SAP30L: variants seen among roughly 807,000 people sequenced by gnomAD.
SAP30L encodes SAP30 like, also known as histone deacetylase complex subunit SAP30L.
A neutral mutation model predicts 22.3 loss-of-function variants in SAP30L; 10 were observed. The ratio of observed to expected loss-of-function variants is 0.45; its 90% CI spans 0.28 to 0.76. SAP30L has a LOEUF of 0.76. Among genes scored for constraint, SAP30L ranks in the 30% least tolerant of loss-of-function variants. The pLI is 0.14. For missense variants in SAP30L, 206 were observed against 237.9 expected (o/e 0.87, Z 0.88); for synonymous variants, 91 against 94.1 (o/e 0.97, Z 0.19).
rs1424334637 is a variant in SAP30L at position 154,459,800 on chromosome 5, T to A, written c.*3772T>A. 6.6e-6 allele frequency: 1 copy of A among 152,218 alleles called. No individual in the cohort carries two copies. The highest frequency in any genetic ancestry group is 1.5e-5 in the Non-Finnish European group (1 of 68,052). The allele number at this position is 152,218 out of a possible 1,614,324, so 9.4% of individuals were successfully genotyped here. On this transcript the variant is annotated 3_prime_UTR_variant, in exon 4 of 4. Transcript: ENST00000297109. ...CGTTGCTTTGCATGAAGTTTAAAGT[T>A]TTCATGGTTGCCCAGGGCTTGTACC...
At chr5:154,452,541 C>G (rs929717734) in intron 2 of SAP30L, 5 of 913,004 alleles carry the variant, frequency 5.5e-6, no homozygotes, top group South Asian at 1.0e-4. Context: ...TTTTTCATGA[C>G]TATGCAGCTT....
chr5:154,458,315 T>G lies in SAP30L; in HGVS notation c.*2287T>G, dbSNP rs1396362921. 1.3e-5 allele frequency: 2 copies of G among 152,240 alleles called. No individual in the cohort carries two copies. Among genetic ancestry groups the G allele is most frequent in the African/African-American group, 4.8e-5 (2 of 41,464 alleles). 9.4% of individuals were successfully genotyped at this position (152,240 alleles called of 1,614,324 possible). On this transcript the variant is annotated 3_prime_UTR_variant, in exon 4 of 4. Transcript: ENST00000297109. ...TCAGGTGAGAGAAAAGACAAAGCTA[T>G]TTGAACCTATGTTTTTCTTATGTCC...
chr5:154,446,493 G>T lies in SAP30L; in HGVS notation c.-112G>T. 1 of 895,386 alleles carries T rather than the reference G, an allele frequency of 1.1e-6. No individual in the cohort carries two copies. Among genetic ancestry groups the T allele is most frequent in the Non-Finnish European group, 1.5e-6 (1 of 646,532 alleles). 55.5% of individuals were successfully genotyped at this position (895,386 alleles called of 1,614,324 possible). On this transcript the variant is annotated 5_prime_UTR_variant, in exon 1 of 4. Transcript: ENST00000297109. ...CAGGGCAGCGCCCGGGCTGGAGACGGACTCTGGGACCCTCGGCTGCGGGGG... is the reference window on the plus strand; with the variant it reads ...CAGGGCAGCGCCCGGGCTGGAGACGTACTCTGGGACCCTCGGCTGCGGGGG...
At chr5:154,452,503 A>G (rs1757165290) in intron 2 of SAP30L, 28 of 984,922 alleles carry the variant, frequency 2.8e-5, no homozygotes, top group Admixed American at 2.5e-4. Flanking sequence ...GAGGCAGGTA[A>G]AGGCAGCCCA....
chr5:154,446,409 G>A lies in SAP30L; in HGVS notation c.-196G>A, dbSNP rs1757004823. The A allele has an allele frequency of 4.6e-6, 2 of 431,706 alleles. No individual in the cohort carries two copies. The highest frequency in any genetic ancestry group is 7.4e-5 in the East Asian group (2 of 27,046). The allele number at this position is 431,706 out of a possible 1,614,324, so 26.7% of individuals were successfully genotyped here. On this transcript the variant is annotated 5_prime_UTR_variant, in exon 1 of 4. Transcript: ENST00000297109. ...CCCCGGGGCCTCGAGCCGGGAGGAA[G>A]GGGGCTTCCGGAGGCGGAGGGCCGG... is the stretch of plus-strand genomic sequence containing the variant.
At chr5:154,454,252 A>G (rs2113279154) in intron 3 of SAP30L, among the ~76,000 whole-genome samples, 1 of 152,282 alleles carries the variant, frequency 6.6e-6, no homozygotes, top group African/African-American at 2.4e-5. Flanking sequence ...ATTTTAATGA[A>G]TGGCACCCAA....
chr5:154,452,403 A>G (rs1361518768), intron 2 of SAP30L: 5 of 854,164 alleles, frequency 5.9e-6, no homozygotes, highest in Non-Finnish European at 4.2e-6. Context: ...AATGTTTTGA[A>G]AAAGAATGAA....
rs558145437 is a variant in SAP30L, at chr5:154,457,832, C to G, written c.*1804C>G. 6.6e-6 allele frequency: 1 copy of G among 152,294 alleles called. No homozygotes were observed. Among genetic ancestry groups the G allele is most frequent in the Admixed American group, 6.5e-5 (1 of 15,286 alleles). 9.4% of individuals were successfully genotyped at this position (152,294 alleles called of 1,614,324 possible). A position where few individuals can be genotyped will look rare whatever the true frequency, so the allele number is the denominator to read the frequency against. On this transcript the variant is annotated 3_prime_UTR_variant, in exon 4 of 4. Transcript: ENST00000297109. The stretch of plus-strand genomic sequence containing the variant: ...GTGAGTGTTTTCAGTCATTCACATT[C>G]ACTATGTGTTTAGAGATTCTCTCCC...
chr5:154,447,772 C>T lies in SAP30L; in HGVS notation c.201+967C>T, dbSNP rs987969168. Among the ~76,000 whole-genome samples, 4 of 152,068 alleles carry T rather than the reference C, an allele frequency of 2.6e-5. No individual in the cohort carries two copies. In the East Asian group the frequency reaches 7.7e-4, roughly 29 times the overall value. On this transcript the variant is annotated intron_variant, in intron 1 of 3. Transcript: ENST00000297109. The stretch of plus-strand genomic sequence containing the variant: ...TTAAACTGAAAGGGAGTGCACGTTT[C>T]CCCTCTGATTTTAGGGTTGAAACAG...
In SAP30L at chr5:154,457,298, A is replaced by G. The variant is rs929173018; in HGVS notation, c.*1270A>G. 6.6e-6 allele frequency: 1 copy of G among 152,232 alleles called. No homozygotes were observed. Among genetic ancestry groups the G allele is most frequent in the Admixed American group, 6.5e-5 (1 of 15,286 alleles). The allele number at this position is 152,232 out of a possible 1,614,324, so 9.4% of individuals were successfully genotyped here. On this transcript the variant is annotated 3_prime_UTR_variant, in exon 4 of 4. Transcript: ENST00000297109. Reference sequence around the variant, plus strand: ...TTTGCAAAATTCTTTAATCTGTGTAATGGAGGGCAGAGGGTATGGGGTAGG... The same window carrying G: ...TTTGCAAAATTCTTTAATCTGTGTAGTGGAGGGCAGAGGGTATGGGGTAGG...
chr5:154,448,642 A>C (rs2113268456), intron 1 of SAP30L, among the ~76,000 whole-genome samples: 1 of 152,340 alleles, frequency 6.6e-6, no homozygotes, highest in Non-Finnish European at 1.5e-5. Flanking sequence ...AGATCACTGG[A>C]TGCCTTCCCA....
At position 154,457,354 on chromosome 5, in the gene SAP30L, G is replaced by T. The variant is rs1310883757; in HGVS notation, c.*1326G>T. 1 of 152,152 alleles carries T rather than the reference G, an allele frequency of 6.6e-6. No individual in the cohort carries two copies. The highest frequency in any genetic ancestry group is 2.4e-5 in the African/African-American group (1 of 41,430). 9.4% of individuals were successfully genotyped at this position (152,152 alleles called of 1,614,324 possible). On this transcript the variant is annotated 3_prime_UTR_variant, in exon 4 of 4. Transcript: ENST00000297109. Reference sequence around the variant, plus strand: ...GGGAGAAAGAAAAGAAAAGAATTTGGATTCTAATTTATGACCATCTTGACA... The same window carrying T: ...GGGAGAAAGAAAAGAAAAGAATTTGTATTCTAATTTATGACCATCTTGACA...
At chr5:154,453,787 G>T (rs1483600416) in intron 3 of SAP30L, among the ~76,000 whole-genome samples, 1 of 152,212 alleles carries the variant, frequency 6.6e-6, no homozygotes, top group Admixed American at 6.5e-5. Flanking sequence ...CAGATTCTAA[G>T]TCCTGAGTGT....
chr5:154,446,727 C>T lies in SAP30L; in HGVS notation c.123C>T (p.Pro41=), dbSNP rs145766005. Residue 41 remains proline, a synonymous_variant, in exon 1 of 4, where the codon CCC becomes CCT. Coordinates refer to ENST00000297109, the MANE Select transcript of SAP30L (RefSeq NM_024632.6). ...AGGACGGCGAGCGCTGCGTCCGGCC[C>T]GCGGGCAACGCCTCCTTCAGCAAGA... The part of the protein sequence containing the change: ...LIEDGERCVR[P]AGNASFSKRV... 2.5e-6 allele frequency: 4 copies of T among 1,605,780 alleles called. No individual in the cohort carries two copies. The highest frequency in any genetic ancestry group is 2.7e-5 in the African/African-American group (2 of 74,596).
chr5:154,455,769 A>T, intron 3 of SAP30L, 131 bp from the exon 4 acceptor site: 2 of 1,160,094 alleles, frequency 1.7e-6, no homozygotes, highest in Non-Finnish European at 2.4e-6. Context: ...CGCACATGGC[A>T]GGAAGTTCTT....
Position 154,459,776 on chromosome 5 carries a change from G to A in SAP30L, c.*3748G>A, listed in dbSNP as rs546044064. Reference sequence around the variant, plus strand: ...GTTCAGCTGGAGGATTTATAACTTCGTTGCTTTGCATGAAGTTTAAAGTTT... The same window carrying A: ...GTTCAGCTGGAGGATTTATAACTTCATTGCTTTGCATGAAGTTTAAAGTTT... On this transcript the variant is annotated 3_prime_UTR_variant, in exon 4 of 4. Coordinates refer to ENST00000297109, the MANE Select transcript of SAP30L (RefSeq NM_024632.6). The A allele has an allele frequency of 4.6e-5, 7 of 152,202 alleles. No homozygotes were observed. The highest frequency in any genetic ancestry group is 1.0e-4 in the Non-Finnish European group (7 of 68,054). 9.4% of individuals were successfully genotyped at this position (152,202 alleles called of 1,614,324 possible).
Position 154,459,536 on chromosome 5 carries a change from C to T in SAP30L, c.*3508C>T, listed in dbSNP as rs1757332308. On this transcript the variant is annotated 3_prime_UTR_variant, in exon 4 of 4. Transcript: ENST00000297109. ...GAAAGAAACAATGCTAGGACATGGA[C>T]ACTTTGGTACACTGTCCTTACCCCT... 6.6e-6 allele frequency: 1 copy of T among 152,228 alleles called. No homozygotes were observed. The highest frequency in any genetic ancestry group is 2.4e-5 in the African/African-American group (1 of 41,450). The allele number at this position is 152,228 out of a possible 1,614,324, so 9.4% of individuals were successfully genotyped here. A position where few individuals can be genotyped will look rare whatever the true frequency, so the allele number is the denominator to read the frequency against.
At chr5:154,454,942 CAG>C (rs775951916) in intron 3 of SAP30L, among the ~76,000 whole-genome samples, 1 of 150,538 alleles carries the variant, frequency 6.6e-6, no homozygotes, top group Non-Finnish European at 1.5e-5. Context: ...TTTTTAAAGA[CAG>C]AGTCTTGCTC....
intron 1 of SAP30L, 149 bp downstream of exon 1, chr5:154,446,954 G>A (rs776805019): frequency 7.7e-5 from 49 of 635,308 alleles, no homozygotes; most frequent in Non-Finnish European, 1.2e-4. Flanking sequence ...GCATTTCAAA[G>A]GCCGCTCCAG....
Sources: gnomAD v4.1 joint callset for allele counts (sites outside exome capture counted in the v4.1 genomes callset) on GRCh38, gnomAD v4.1.1 for gene constraint, MANE v1.5 for transcripts, NCBI Gene and HGNC (gene_info 2026-07-23, HGNC 2026-07-21) for gene names.